CDH13: variants seen among roughly 807,000 people sequenced by gnomAD.
CDH13 encodes cadherin 13.
Under a neutral mutation model 63.8 loss-of-function variants are expected in CDH13, and 24 were observed. The observed-to-expected ratio is 0.38, with a 90% CI of 0.27 to 0.53. CDH13 has a LOEUF of 0.53. CDH13 is among the 20% of genes least tolerant of loss of function. The pLI is 0.85. For synonymous variants in CDH13, 503 were observed against 355.3 expected, an observed-to-expected ratio of 1.42 and a Z score of -4.67; for missense variants, 1,049 against 903.1, an observed-to-expected ratio of 1.16 and a Z score of -2.07.
chr16:82,705,020 C>T (rs951149971), intron 1 of CDH13: 13 of 397,914 alleles, frequency 3.3e-5, no homozygotes, highest in Non-Finnish European at 4.9e-5. Flanking sequence ...TGCATTGCCA[C>T]TGGACGGGAA....
chr16:83,425,313 G>A (rs778646357), intron 6 of CDH13, among the ~76,000 whole-genome samples: 33 of 152,280 alleles, frequency 2.2e-4, no homozygotes, highest in African/African-American at 7.5e-4. Context: ...AGGACATCTC[G>A]GAAAGGTGGT....
chr16:82,941,379 A>C (rs930766742), intron 2 of CDH13, among the ~76,000 whole-genome samples: 4 of 152,170 alleles, frequency 2.6e-5, no homozygotes, highest in Admixed American at 1.3e-4. Context: ...GATATCCATG[A>C]CATTTCTGGA....
At chr16:82,739,256 G>A (rs963159329) in intron 1 of CDH13, among the ~76,000 whole-genome samples, 4 of 152,112 alleles carry the variant, frequency 2.6e-5, no homozygotes, top group Admixed American at 2.6e-4. Flanking sequence ...CAGATGATAT[G>A]CCCTTATGTG....
chr16:83,351,942 T>A (rs1256022627), intron 6 of CDH13, among the ~76,000 whole-genome samples: 3 of 152,238 alleles, frequency 2.0e-5, no homozygotes, highest in Non-Finnish European at 4.4e-5. Context: ...GTTTTTGTGG[T>A]CATTTCACTA....
At chr16:83,316,873 C>G (rs1180043941) in intron 5 of CDH13, among the ~76,000 whole-genome samples, 8 of 150,738 alleles carry the variant, frequency 5.3e-5, no homozygotes, top group African/African-American at 1.5e-4. Context: ...TGAGCTTCAT[C>G]TGGGCTGGGC....
chr16:82,940,979 G>T (rs190227643), intron 2 of CDH13, among the ~76,000 whole-genome samples: 1 of 152,264 alleles, frequency 6.6e-6, no homozygotes, highest in Admixed American at 6.5e-5. Context: ...AAATGGAGAA[G>T]GTGCACATTT....
chr16:83,619,308 A>AT (rs1415736112), intron 8 of CDH13, among the ~76,000 whole-genome samples: 4 of 152,114 alleles, frequency 2.6e-5, no homozygotes, highest in African/African-American at 4.8e-5. Context: ...ATCCTGAATG[A>AT]CCCCTCATGA....
At chr16:83,514,551 A>G (rs1353265272) in intron 7 of CDH13, among the ~76,000 whole-genome samples, 1 of 152,314 alleles carries the variant, frequency 6.6e-6, no homozygotes, top group East Asian at 1.9e-4. Context: ...AGGCTGAGGC[A>G]TGGGAATTGC....
intron 2 of CDH13, among the ~76,000 whole-genome samples, chr16:82,879,657 TATA>T (rs997504145): frequency 4.3e-5 from 6 of 139,646 alleles, no homozygotes; most frequent in East Asian, 2.0e-4. Context: ...TATATTTAGA[TATA>T]ATATATTTTA....
chr16:83,358,071 G>A (rs2091091676), intron 6 of CDH13, among the ~76,000 whole-genome samples: 2 of 152,178 alleles, frequency 1.3e-5, no homozygotes, highest in South Asian at 4.1e-4. Flanking sequence ...CAGCAGAGCA[G>A]AAGCATTTTC....
chr16:83,272,552 C>G (rs1253247002), intron 5 of CDH13, among the ~76,000 whole-genome samples: 1 of 152,154 alleles, frequency 6.6e-6, no homozygotes, highest in Non-Finnish European at 1.5e-5. Flanking sequence ...TTATAGATAT[C>G]CAGCGTTGCA....
intron 2 of CDH13, among the ~76,000 whole-genome samples, chr16:82,914,102 C>A (rs1443855496): frequency 6.6e-6 from 1 of 152,074 alleles, no homozygotes; most frequent in South Asian, 2.1e-4. Flanking sequence ...GAAACCAGGA[C>A]AGAACTCTAG....
At chr16:82,719,927 C>G (rs1465950182) in intron 1 of CDH13, among the ~76,000 whole-genome samples, 1 of 148,200 alleles carries the variant, frequency 6.7e-6, no homozygotes, top group Non-Finnish European at 1.5e-5. Context: ...AAAACTGTGA[C>G]TTTCAGGGAA....
chr16:83,781,971 T>C (rs1597224125), intron 12 of CDH13, among the ~76,000 whole-genome samples: 1 of 152,024 alleles, frequency 6.6e-6, no homozygotes, highest in African/African-American at 2.4e-5. Flanking sequence ...TATCCTCTAC[T>C]AAAGGAAGAT....
At chr16:83,231,358 T>A (rs552282138) in intron 5 of CDH13, among the ~76,000 whole-genome samples, 1 of 152,102 alleles carries the variant, frequency 6.6e-6, no homozygotes, top group Non-Finnish European at 1.5e-5. Context: ...TCCGAGGGAA[T>A]AGATAGGAGA....
At chr16:83,394,777 A>C (rs371929114) in intron 6 of CDH13, among the ~76,000 whole-genome samples, 45 of 152,248 alleles carry the variant, frequency 3.0e-4, no homozygotes, top group African/African-American at 1.0e-3. Flanking sequence ...AGGGATGAGA[A>C]ATGGTTAGTA....
intron 6 of CDH13, among the ~76,000 whole-genome samples, chr16:83,451,455 G>T (rs934945514): frequency 1.3e-5 from 2 of 152,150 alleles, no homozygotes; most frequent in African/African-American, 4.8e-5. Context: ...TGGCAATTGT[G>T]GGAGCTACAA....
At chr16:83,234,776 A>T (rs1567527404) in intron 5 of CDH13, among the ~76,000 whole-genome samples, 1 of 152,216 alleles carries the variant, frequency 6.6e-6, no homozygotes, top group East Asian at 1.9e-4. Flanking sequence ...TCCACTTTGC[A>T]TGTGGAGAAA....
chr16:83,699,854 C>T (rs192019790), intron 10 of CDH13, among the ~76,000 whole-genome samples: 1 of 152,202 alleles, frequency 6.6e-6, no homozygotes, highest in Admixed American at 6.5e-5. Flanking sequence ...CCAGCATGTA[C>T]CCAGCCTCAG....
Sources: gnomAD v4.1 joint callset for allele counts (sites outside exome capture counted in the v4.1 genomes callset) on GRCh38, gnomAD v4.1.1 for gene constraint, MANE v1.5 for transcripts, NCBI Gene and HGNC (gene_info 2026-07-23, HGNC 2026-07-21) for gene names.